The following MYO9B variants were observed in gnomAD, a reference collection of about 807,000 sequenced individuals.
MYO9B encodes the protein unconventional myosin-IXb.
A neutral mutation model predicts 229.5 loss-of-function variants in MYO9B; 71 were observed. The observed-to-expected ratio is 0.31, with a 90% CI of 0.26 to 0.38. The LOEUF (loss-of-function observed/expected upper bound fraction) is 0.38, where lower values mean the gene tolerates loss of function less well. Ranked by LOEUF, MYO9B falls within the 10% of genes least tolerant of loss-of-function variation. The pLI, the probability that MYO9B is intolerant of heterozygous loss-of-function variation, is 1.00. For missense variants in MYO9B, 2,255 were observed against 2,920.5 expected (o/e 0.77, Z 5.25); for synonymous variants, 1,185 against 1,235.8 (o/e 0.96, Z 0.86).
At chr19:17,176,483 C>G (rs1460862994) in intron 14 of MYO9B, among the ~76,000 whole-genome samples, 1 of 152,160 alleles carries the variant, frequency 6.6e-6, no homozygotes, top group African/African-American at 2.4e-5. Flanking sequence ...ATTCTAAACC[C>G]AGGTCGAGGT....
intron 2 of MYO9B, among the ~76,000 whole-genome samples, chr19:17,123,422 ATTTG>A (rs2057983680): frequency 1.1e-5 from 1 of 93,480 alleles, no homozygotes; most frequent in African/African-American, 5.1e-5. Context: ...TACAGTAGAA[ATTTG>A]TGTGTGTGTG....
At chr19:17,208,049 G>A (rs2073182639) in intron 35 of MYO9B, 1 of 151,588 alleles carries the variant, frequency 6.6e-6, no homozygotes, top group Non-Finnish European at 1.5e-5. Flanking sequence ...GCCAGGCCTG[G>A]TGGCATGTGC....
At position 17,184,909 on chromosome 19, in the gene MYO9B, T is replaced by C. The variant is rs755781842; in HGVS notation, c.2418T>C (p.Thr806=). ...SKSLKLIISM[T]LHDRTTKSLL... ...CCCTGAAACTCATCATCAGCATGACTCTGCACGACCGCACCACCAAGTCCC... is the reference window on the plus strand; with the variant it reads ...CCCTGAAACTCATCATCAGCATGACCCTGCACGACCGCACCACCAAGTCCC... The change falls in exon 17 of 40, where the codon ACT becomes ACC. Residue 806 remains threonine (T), a synonymous_variant. Transcript: ENST00000682292. 1 of 1,613,908 alleles carries C rather than the reference T, an allele frequency of 6.2e-7. No individual in the cohort carries two copies. Among genetic ancestry groups the C allele is most frequent in the Admixed American group, 1.7e-5 (1 of 60,008 alleles).
At chr19:17,129,654 G>A (rs777014738) in intron 2 of MYO9B, among the ~76,000 whole-genome samples, 8 of 152,204 alleles carry the variant, frequency 5.3e-5, no homozygotes, top group Non-Finnish European at 8.8e-5. Flanking sequence ...CGTCTGAAAT[G>A]GGGATGGCAG....
chr19:17,146,687 G>C (rs2072415470), intron 3 of MYO9B, among the ~76,000 whole-genome samples: 1 of 152,114 alleles, frequency 6.6e-6, no homozygotes, highest in Non-Finnish European at 1.5e-5. Context: ...GTGTCAATTA[G>C]CGAATGGATA....
chr19:17,163,673 T>A (rs2072629169), intron 10 of MYO9B, among the ~76,000 whole-genome samples: 1 of 152,198 alleles, frequency 6.6e-6, no homozygotes, highest in Non-Finnish European at 1.5e-5. Context: ...TGGCCCATTC[T>A]ATTTTCTGTC....
In MYO9B at chr19:17,212,619, G is replaced by A. The variant is rs1232747380; in HGVS notation, c.*309G>A. The A allele has an allele frequency of 1.6e-5, 6 of 382,064 alleles. No homozygotes were observed. Among genetic ancestry groups the A allele is most frequent in the Admixed American group, 1.3e-4 (3 of 23,260 alleles). 23.7% of individuals were successfully genotyped at this position (382,064 alleles called of 1,614,324 possible). A position where few individuals can be genotyped will look rare whatever the true frequency, so the allele number is the denominator to read the frequency against. On this transcript the variant is annotated 3_prime_UTR_variant, in exon 40 of 40. Coordinates refer to ENST00000682292, the MANE Select transcript of MYO9B (RefSeq NM_004145.4). This position sits in a 1 kb window ranked among gnomAD's most constrained non-coding sequence, Gnocchi z 5.4. ...AACTGTTTCTTTGTACGTGGTTTAC[G>A]TAACTTTAAACTGTAACAGCCTTAA...
At chr19:17,206,591 A>C (rs2073164787) in intron 33 of MYO9B, 88 bp from the exon 34 acceptor site, 1 of 1,330,914 alleles carries the variant, frequency 7.5e-7, no homozygotes, top group African/African-American at 1.5e-5. Context: ...GGTGGATGGC[A>C]CCTGTGCATC....
At position 17,172,294 on chromosome 19, in the gene MYO9B, G is replaced by A. The variant is rs571957725; in HGVS notation, c.1794-42G>A. 1 of 1,608,906 alleles carries A rather than the reference G, an allele frequency of 6.2e-7. No homozygotes were observed. Among genetic ancestry groups the A allele is most frequent in the African/African-American group, 1.3e-5 (1 of 74,900 alleles). On this transcript the variant is annotated intron_variant, in intron 11 of 39. Transcript: ENST00000682292. The surrounding 1 kb of genome is among the most constrained non-coding windows in gnomAD (Gnocchi z 8.2). ...GATAAAATACACAGCAGGTAAATCA[G>A]CCGCTGTTCATGCCTGCAAAGGTTC... is the stretch of plus-strand genomic sequence containing the variant.
chr19:17,094,269 A>G (rs141827793), intron 1 of MYO9B, among the ~76,000 whole-genome samples: 1,497 of 147,398 alleles, frequency 0.01, 13 homozygotes, highest in South Asian at 0.014. Flanking sequence ...TCCCAACCTC[A>G]GGTGATCTGC....
rs767195473 is a variant in MYO9B at position 17,207,193 on chromosome 19, C to T, written c.5573C>T (p.Pro1858Leu). 106 of 1,603,476 alleles carry T rather than the reference C, an allele frequency of 6.6e-5. No homozygotes were observed. The highest frequency in any genetic ancestry group is 2.7e-5 in the African/African-American group (2 of 74,678). The change falls in exon 35 of 40, where the codon CCT becomes CTT. Residue 1858 changes from proline to leucine, a missense_variant. Transcript: ENST00000682292. ...IIFAPCLLRC[P>L]DNSDPLTSMK... ...TTCGCACCCTGCCTCCTGCGCTGCCCTGACAACTCGGACCCGCTGACCAGC... is the reference window on the plus strand; with the variant it reads ...TTCGCACCCTGCCTCCTGCGCTGCCTTGACAACTCGGACCCGCTGACCAGC...
chr19:17,205,354 G>C lies in MYO9B; in HGVS notation c.5064+18G>C, dbSNP rs760974870. On this transcript the variant is annotated intron_variant, in intron 31 of 39. Coordinates refer to ENST00000682292, the MANE Select transcript of MYO9B (RefSeq NM_004145.4). ...GGAGGAAGGTGAGTGTACGAGGCCT[G>C]GAACTTTCTACAATGACACTCCACT... 2 of 1,610,686 alleles carry C rather than the reference G, an allele frequency of 1.2e-6. No individual in the cohort carries two copies. The highest frequency in any genetic ancestry group is 2.2e-5 in the South Asian group (2 of 90,998).
At chr19:17,151,289 AGAAAG>A (rs1196975746) in intron 3 of MYO9B, among the ~76,000 whole-genome samples, 1 of 144,064 alleles carries the variant, frequency 6.9e-6, no homozygotes, top group Admixed American at 6.9e-5. Flanking sequence ...AAAAAAAAAA[AGAAAG>A]AAAGAAAATG....
intron 14 of MYO9B, 113 bp downstream of exon 14, chr19:17,175,854 T>C (rs28735424): frequency 0.21 from 170,401 of 818,966 alleles, 21,583 homozygotes; most frequent in East Asian, 0.38. Context: ...TCTTTTGAGA[T>C]GGAATTTCGC....
At chr19:17,124,803 GTTTTCT>G (rs1292223207) in intron 2 of MYO9B, among the ~76,000 whole-genome samples, 2 of 150,820 alleles carry the variant, frequency 1.3e-5, no homozygotes, top group Non-Finnish European at 3.0e-5. Context: ...AAAATTGCAG[GTTTTCT>G]AAAAATCAGT....
intron 2 of MYO9B, among the ~76,000 whole-genome samples, chr19:17,119,937 T>G (rs2057945765): frequency 6.6e-6 from 1 of 152,074 alleles, no homozygotes; most frequent in Admixed American, 6.6e-5. Context: ...TATAAGCCAT[T>G]GCGCCCGGCC....
At chr19:17,086,321 G>A (rs1470919038) in intron 1 of MYO9B, among the ~76,000 whole-genome samples, 3 of 152,202 alleles carry the variant, frequency 2.0e-5, no homozygotes, top group Non-Finnish European at 4.4e-5. Flanking sequence ...GGCCCCGCCT[G>A]CCCATTCCCC....
At chr19:17,130,772 CAAAAA>C (rs71180365) in intron 2 of MYO9B, among the ~76,000 whole-genome samples, 1 of 133,014 alleles carries the variant, frequency 7.5e-6, no homozygotes, top group Non-Finnish European at 1.6e-5. Flanking sequence ...GACTTGGTCT[CAAAAA>C]AAAAAAAAAA....
chr19:17,102,691 A>G, intron 2 of MYO9B, 134 bp downstream of exon 2: 2 of 1,280,112 alleles, frequency 1.6e-6, no homozygotes, highest in South Asian at 1.6e-5. Context: ...GCTTGAGCCC[A>G]GGAGTTCAAG....
Sources: allele counts gnomAD v4.1 joint callset (sites outside exome capture counted in the v4.1 genomes callset), GRCh38; gene constraint gnomAD v4.1.1; non-coding constraint Gnocchi (gnomAD v3.1); transcripts MANE v1.5; gene names NCBI Gene and HGNC (gene_info 2026-07-23, HGNC 2026-07-21).